THNSL1: variants seen among roughly 807,000 people sequenced by gnomAD.
The protein encoded by THNSL1 is threonine synthase-like 1.
Under a neutral mutation model 50.4 loss-of-function variants are expected in THNSL1, and 48 were observed. The observed-to-expected ratio is 0.95, with a 90% CI of 0.76 to 1.21. THNSL1 has a LOEUF of 1.21. THNSL1 is among the 50% of genes most tolerant of loss of function. The pLI is 0.00. For synonymous variants in THNSL1, 309 were observed against 306.1 expected (o/e 1.01, Z -0.10); for missense variants, 896 against 871.7 (o/e 1.03, Z -0.35).
the THNSL1 span, chr10:24,984,849 A>G: frequency 6.2e-7 from 1 of 1,613,812 alleles, no homozygotes; most frequent in Non-Finnish European, 8.5e-7. Context: ...TAGAATCTAT[A>G]AAGACCGAGA....
intron 1 of THNSL1, among the ~76,000 whole-genome samples, chr10:25,020,368 A>T (rs929910372): frequency 1.1e-4 from 16 of 152,150 alleles, no homozygotes; most frequent in Non-Finnish European, 1.9e-4. Flanking sequence ...GAAAAGTAAG[A>T]TTGCAAAACA....
At chr10:24,975,104 T>C in the THNSL1 span, among the ~76,000 whole-genome samples, 3 of 152,152 alleles carry the variant, frequency 2.0e-5, no homozygotes, top group Non-Finnish European at 2.9e-5. Context: ...CAGGGTGCTC[T>C]GGGCCTAAAG....
At chr10:24,971,954 G>A in the THNSL1 span, among the ~76,000 whole-genome samples, 824 of 152,296 alleles carry the variant, frequency 5.4e-3, 3 homozygotes, top group Non-Finnish European at 9.7e-3. Flanking sequence ...ACTTTGGGAG[G>A]CCTAGGCGGG....
the THNSL1 span, among the ~76,000 whole-genome samples, chr10:25,010,234 T>C: frequency 6.6e-6 from 1 of 152,144 alleles, no homozygotes; most frequent in Admixed American, 6.5e-5. Context: ...GGAATAAAGG[T>C]GACTCTTGCT....
the THNSL1 span, among the ~76,000 whole-genome samples, chr10:24,956,856 CT>C: frequency 2.0e-5 from 3 of 152,162 alleles, no homozygotes; most frequent in Non-Finnish European, 2.9e-5. Context: ...AGCTCTGCCC[CT>C]GTCAGATCAG....
In THNSL1 at chr10:25,025,609, A is replaced by C. The variant is rs12249889; in HGVS notation, c.*154A>C. ...TCTGATCTCTAGGGCTGACATGAGAACTCCATGTCACCTCCTCAGATCTTT... is the reference window on the plus strand; with the variant it reads ...TCTGATCTCTAGGGCTGACATGAGACCTCCATGTCACCTCCTCAGATCTTT... On this transcript the variant is annotated 3_prime_UTR_variant, in exon 3 of 3. Transcript: ENST00000376356. 0.3 allele frequency: 204,642 copies of C among 685,816 alleles called. 33,187 individuals are homozygous for C. The highest frequency in any genetic ancestry group is 0.51 in the East Asian group (18,513 of 36,166). The allele number at this position is 685,816 out of a possible 1,614,324, so 42.5% of individuals were successfully genotyped here. A position where few individuals can be genotyped will look rare whatever the true frequency, so the allele number is the denominator to read the frequency against.
At chr10:25,016,249 C>G, upstream of THNSL1, 1 of 980,608 alleles carries the variant, frequency 1.0e-6, no homozygotes, top group Non-Finnish European at 1.3e-6. Context: ...TCTGCAGCGC[C>G]TTCTGCTAGA....
upstream of THNSL1, among the ~76,000 whole-genome samples, chr10:25,012,231 G>A (rs530431816): frequency 4.7e-4 from 72 of 152,354 alleles, 1 homozygote; most frequent in South Asian, 0.01. Flanking sequence ...TGTGCTTCGG[G>A]GCAGAGCCCT....
At chr10:24,990,682 T>C in the THNSL1 span, 1 of 1,391,168 alleles carries the variant, frequency 7.2e-7, no homozygotes, top group African/African-American at 1.4e-5. Context: ...TATCAACTGA[T>C]GATGGAAGAA....
At chr10:25,014,444 G>C (rs76684883), upstream of THNSL1, among the ~76,000 whole-genome samples, 1,135 of 151,876 alleles carry the variant, frequency 7.5e-3, 18 homozygotes, top group African/African-American at 0.025. Flanking sequence ...AGATATACTA[G>C]TGCAATATTA....
At chr10:24,988,535 T>C in the THNSL1 span, among the ~76,000 whole-genome samples, 3 of 147,570 alleles carry the variant, frequency 2.0e-5, no homozygotes, top group Non-Finnish European at 4.5e-5. Context: ...TACGGATCTA[T>C]GTACATGTAG....
At chr10:24,997,014 GA>G in the THNSL1 span, among the ~76,000 whole-genome samples, 1 of 152,296 alleles carries the variant, frequency 6.6e-6, no homozygotes, top group Admixed American at 6.5e-5. Flanking sequence ...AAGATACAGA[GA>G]AAAGATAACC....
chr10:24,997,820 T>TATATATATATATATATATATATATATAG, the THNSL1 span, among the ~76,000 whole-genome samples: 1 of 149,206 alleles, frequency 6.7e-6, no homozygotes, highest in African/African-American at 2.6e-5. Flanking sequence ...TATATATATA[T>TATATATATATATATATATATATATATAG]ATATATGTTT....
At chr10:24,977,573 C>T in the THNSL1 span, among the ~76,000 whole-genome samples, 340 of 152,156 alleles carry the variant, frequency 2.2e-3, 2 homozygotes, top group Non-Finnish European at 4.1e-3. Context: ...TTATTATATA[C>T]GCCTACACAG....
the THNSL1 span, among the ~76,000 whole-genome samples, chr10:24,997,807 T>TTATA: frequency 0.02 from 2,959 of 144,926 alleles, 141 homozygotes; most frequent in African/African-American, 0.072. Context: ...CACAAAGGAT[T>TTATA]TATATATATA....
chr10:24,991,355 A>G, the THNSL1 span, among the ~76,000 whole-genome samples: 1 of 152,134 alleles, frequency 6.6e-6, no homozygotes, highest in Non-Finnish European at 1.5e-5. Flanking sequence ...CTCGTTAAAG[A>G]AAAGACAAAG....
the THNSL1 span, among the ~76,000 whole-genome samples, chr10:25,001,574 A>G: frequency 2.0e-3 from 301 of 151,564 alleles, no homozygotes; most frequent in Non-Finnish European, 1.4e-3. Context: ...TTTTCTCTGT[A>G]TTTCATTTTG....
At chr10:24,995,759 C>T in the THNSL1 span, 3 of 1,614,036 alleles carry the variant, frequency 1.9e-6, no homozygotes, top group Non-Finnish European at 2.5e-6. Flanking sequence ...ATGATGATAT[C>T]AGCTGCATTT....
At chr10:25,000,604 CTCTG>C in the THNSL1 span, among the ~76,000 whole-genome samples, 1 of 152,090 alleles carries the variant, frequency 6.6e-6, no homozygotes, top group Non-Finnish European at 1.5e-5. Flanking sequence ...CTAGAATCTA[CTCTG>C]TCTGACATTA....
Sources: allele counts gnomAD v4.1 joint callset (sites outside exome capture counted in the v4.1 genomes callset), GRCh38; gene constraint gnomAD v4.1.1; transcripts MANE v1.5; gene names NCBI Gene and HGNC (gene_info 2026-07-23, HGNC 2026-07-21).